Variants in SHC3 observed in about 807,000 individuals in gnomAD.
SHC3 encodes SHC adaptor protein 3.
In SHC3, 15 loss-of-function variants were observed where a neutral mutation model predicts 60.4. The ratio of observed to expected loss-of-function variants is 0.25; its 90% CI spans 0.17 to 0.38. The LOEUF is 0.38. Ranked by LOEUF, SHC3 falls within the 10% of genes least tolerant of loss-of-function variation. SHC3 has a pLI of 1.00. For missense variants in SHC3, 677 were observed against 786.1 expected (o/e 0.86, Z 1.66); for synonymous variants, 294 against 325.9 (o/e 0.90, Z 1.05).
chr9:89,171,221 G>A lies in SHC3; in HGVS notation c.474+6766C>T, dbSNP rs188655190. On this transcript the variant is annotated intron_variant, in intron 1 of 11. Transcript: ENST00000375835. ...GGTAAATTCCTTGTCAACAGAGCTAGAACCATATTTTGATTTTTTTTTTTT... is the reference window on the plus strand; with the variant it reads ...GGTAAATTCCTTGTCAACAGAGCTAAAACCATATTTTGATTTTTTTTTTTT... Among the ~76,000 whole-genome samples the A allele has an allele frequency of 5.8e-5, 8 of 138,098 alleles. No individual in the cohort carries two copies. The Admixed American group carries it at 6.3e-4, about 11-fold the overall frequency. The allele number at this position is 138,098 out of a possible 152,430, so 90.6% of individuals were successfully genotyped here.
intron 7 of SHC3, among the ~76,000 whole-genome samples, chr9:89,048,846 C>G (rs1258851769): frequency 6.6e-6 from 1 of 152,130 alleles, no homozygotes; most frequent in African/African-American, 2.4e-5. Context: ...ATCCCCGTCA[C>G]CCCGCTCTCG....
chr9:89,094,103 C>CAAAA (rs1160433992), intron 2 of SHC3, among the ~76,000 whole-genome samples: 2 of 73,060 alleles, frequency 2.7e-5, no homozygotes, highest in African/African-American at 5.1e-5. Context: ...GACTCTGTCT[C>CAAAA]AAAAAAAAAA....
intron 2 of SHC3, among the ~76,000 whole-genome samples, chr9:89,093,178 C>T (rs1166824883): frequency 6.6e-6 from 1 of 152,184 alleles, no homozygotes; most frequent in Non-Finnish European, 1.5e-5. Flanking sequence ...TTCCTACCAG[C>T]AATAACACAC....
intron 1 of SHC3, among the ~76,000 whole-genome samples, chr9:89,159,456 A>G (rs1587761709): frequency 6.6e-6 from 1 of 152,218 alleles, no homozygotes; most frequent in East Asian, 1.9e-4. Flanking sequence ...AGCTACTTCA[A>G]GGACTGTCAT....
In SHC3 at chr9:89,178,324, T is replaced by A; in HGVS notation, c.137A>T (p.Tyr46Phe). 2 of 1,593,808 alleles carry A rather than the reference T, an allele frequency of 1.3e-6. No individual in the cohort carries two copies. Among genetic ancestry groups the A allele is most frequent in the Non-Finnish European group, 1.7e-6 (2 of 1,172,288 alleles). ...GCGCAGCGCCTCGCCGGACACCAAG[T>A]AGGGAGCCGCCGCCGGGGTCGCGCG... ...AARATPAAAP[Y>F]LVSGEALRKA... The change falls in exon 1 of 12, where the codon TAC becomes TTC. Residue 46 changes from tyrosine (Y) to phenylalanine (F), a missense_variant. Transcript: ENST00000375835. This position sits in a 1 kb window ranked among gnomAD's most constrained non-coding sequence, Gnocchi z 6.9.
chr9:89,090,662 C>T (rs78878099), intron 2 of SHC3, among the ~76,000 whole-genome samples: 8,928 of 152,116 alleles, frequency 0.059, 349 homozygotes, highest in Admixed American at 0.11. Flanking sequence ...TGAGCCCATG[C>T]GGATTGGGGG....
At chr9:89,040,168 T>C (rs55726659) in intron 10 of SHC3, among the ~76,000 whole-genome samples, 4 of 14,922 alleles carry the variant, frequency 2.7e-4, no homozygotes, top group Middle Eastern at 0.062. Context: ...ATCACCATCA[T>C]CATCACTATC....
chr9:89,037,808 ACTGGCTC>A (rs1554690154), intron 11 of SHC3, among the ~76,000 whole-genome samples, 178 bp downstream of exon 11: 3 of 152,362 alleles, frequency 2.0e-5, no homozygotes, highest in East Asian at 1.9e-4. Flanking sequence ...GGCCCTGACC[ACTGGCTC>A]CTGGCTCCTG....
intron 3 of SHC3, among the ~76,000 whole-genome samples, chr9:89,077,347 ACT>A (rs923922504): frequency 9.9e-5 from 15 of 152,148 alleles, no homozygotes; most frequent in African/African-American, 3.6e-4. Context: ...TCTCTTCCCG[ACT>A]CTGTTTTCAC....
intron 11 of SHC3, among the ~76,000 whole-genome samples, chr9:89,014,636 C>T (rs1025565981): frequency 6.6e-6 from 1 of 152,190 alleles, no homozygotes; most frequent in African/African-American, 2.4e-5. Context: ...TCCTCGCCCT[C>T]CTGCAGGGAC....
At chr9:89,095,432 G>A (rs1301368546) in intron 2 of SHC3, among the ~76,000 whole-genome samples, 1 of 152,178 alleles carries the variant, frequency 6.6e-6, no homozygotes, top group African/African-American at 2.4e-5. Context: ...ACGCAGAGTG[G>A]GAGTTGCTGG....
Position 89,010,799 on chromosome 9 carries a change from A to C in SHC3, c.*2648T>G, listed in dbSNP as rs1826004775. On this transcript the variant is annotated 3_prime_UTR_variant, in exon 12 of 12. Coordinates refer to ENST00000375835, the MANE Select transcript of SHC3 (RefSeq NM_016848.6). Reference sequence around the variant, plus strand: ...CCAGGCTAGACAGGGAGGAGCCTCCATTGCTTTTGCCTTGGAATCCTGAGC... The same window carrying C: ...CCAGGCTAGACAGGGAGGAGCCTCCCTTGCTTTTGCCTTGGAATCCTGAGC... 1 of 152,420 alleles carries C rather than the reference A, an allele frequency of 6.6e-6. No homozygotes were observed. The highest frequency in any genetic ancestry group is 2.1e-4 in the South Asian group (1 of 4,838). The allele number at this position is 152,420 out of a possible 1,614,324, so 9.4% of individuals were successfully genotyped here. A position where few individuals can be genotyped will look rare whatever the true frequency, so the allele number is the denominator to read the frequency against.
intron 6 of SHC3, among the ~76,000 whole-genome samples, chr9:89,062,154 C>T (rs571725437): frequency 6.6e-6 from 1 of 152,322 alleles, no homozygotes; most frequent in Non-Finnish European, 1.5e-5. Context: ...CCATTTGGAA[C>T]TGTCTAATAT....
chr9:89,169,306 A>G (rs1381751164), intron 1 of SHC3, among the ~76,000 whole-genome samples: 1 of 152,134 alleles, frequency 6.6e-6, no homozygotes. Flanking sequence ...AGTGCTTCTC[A>G]GGGACCACAG....
At chr9:89,090,928 G>A (rs1411345378) in intron 2 of SHC3, among the ~76,000 whole-genome samples, 1 of 152,190 alleles carries the variant, frequency 6.6e-6, no homozygotes, top group African/African-American at 2.4e-5. Context: ...GGATCCCCCA[G>A]GCACATCTAG....
intron 1 of SHC3, among the ~76,000 whole-genome samples, chr9:89,132,522 A>G (rs1358264496): frequency 6.6e-6 from 1 of 152,248 alleles, no homozygotes; most frequent in Admixed American, 6.5e-5. Flanking sequence ...CTACAAGGCT[A>G]CAGTAACCAA....
chr9:89,039,147 G>A (rs976137535), intron 10 of SHC3, among the ~76,000 whole-genome samples: 7 of 152,300 alleles, frequency 4.6e-5, no homozygotes, highest in South Asian at 4.1e-4. Context: ...TTCAGACTAC[G>A]CTGTCTACCC....
intron 11 of SHC3, among the ~76,000 whole-genome samples, chr9:89,026,271 A>G (rs1826299467): frequency 1.3e-5 from 2 of 151,086 alleles, no homozygotes; most frequent in Admixed American, 6.6e-5. Context: ...AAAAAAAAAA[A>G]AAACAAGAAA....
chr9:89,116,257 C>T (rs566085515), intron 1 of SHC3, among the ~76,000 whole-genome samples: 1 of 152,258 alleles, frequency 6.6e-6, no homozygotes, highest in South Asian at 2.1e-4. Flanking sequence ...ACTAACAGTA[C>T]CACGGTGTTG....
Sources: allele counts gnomAD v4.1 joint callset (sites outside exome capture counted in the v4.1 genomes callset), GRCh38; gene constraint gnomAD v4.1.1; non-coding constraint Gnocchi (gnomAD v3.1); transcripts MANE v1.5; gene names NCBI Gene and HGNC (gene_info 2026-07-23, HGNC 2026-07-21).